ADARB2: variants seen among roughly 807,000 people sequenced by gnomAD.
ADARB2 encodes the protein adenosine deaminase RNA specific B2 (inactive).
ADARB2 carries 25 observed loss-of-function variants against 62.2 expected under a neutral mutation model. That is an observed-to-expected ratio of 0.40 (90% CI 0.29 to 0.56). The LOEUF (loss-of-function observed/expected upper bound fraction) is 0.56. ADARB2 is among the 20% of genes least tolerant of loss of function. The pLI, the probability that ADARB2 is intolerant of heterozygous loss-of-function variation, is 0.43. For missense variants in ADARB2, 1,071 were observed against 1,077.4 expected, an observed-to-expected ratio of 0.99 and a Z score of 0.08; for synonymous variants, 572 against 500.8, an observed-to-expected ratio of 1.14 and a Z score of -1.90.
intron 1 of ADARB2, among the ~76,000 whole-genome samples, chr10:1,502,429 T>C (rs1271853954): frequency 1.3e-5 from 2 of 152,244 alleles, no homozygotes; most frequent in African/African-American, 4.8e-5. Flanking sequence ...CAATAAAAGG[T>C]GCTTTTGCAA....
chr10:1,516,941 T>C (rs1832016023), intron 1 of ADARB2, among the ~76,000 whole-genome samples: 1 of 152,228 alleles, frequency 6.6e-6, no homozygotes, highest in Admixed American at 6.5e-5. Context: ...GGAGTCATTA[T>C]TCATCTGAAG....
At chr10:1,302,924 G>T (rs1036495357) in intron 3 of ADARB2, among the ~76,000 whole-genome samples, 197 of 152,174 alleles carry the variant, frequency 1.3e-3, no homozygotes, top group African/African-American at 4.6e-3. Flanking sequence ...CACAAAGATG[G>T]GGAAAAAACA....
intron 1 of ADARB2, among the ~76,000 whole-genome samples, chr10:1,525,629 C>T (rs927247160): frequency 2.0e-5 from 3 of 152,084 alleles, no homozygotes; most frequent in African/African-American, 4.8e-5. Context: ...GTTGTATGTG[C>T]GTCCTGAGAG....
chr10:1,242,986 C>A (rs944080310), intron 4 of ADARB2, among the ~76,000 whole-genome samples: 18 of 152,334 alleles, frequency 1.2e-4, no homozygotes, highest in South Asian at 4.1e-4. Flanking sequence ...CTGGAAGACA[C>A]AAGCCAATGT....
intron 7 of ADARB2, among the ~76,000 whole-genome samples, chr10:1,211,561 A>T (rs1837152301): frequency 6.6e-6 from 1 of 151,868 alleles, no homozygotes; most frequent in Admixed American, 6.6e-5. Flanking sequence ...CAGACAGTGG[A>T]CTCCCAGCAG....
chr10:1,433,226 G>A (rs1830795110), intron 1 of ADARB2, among the ~76,000 whole-genome samples: 1 of 152,138 alleles, frequency 6.6e-6, no homozygotes, highest in South Asian at 2.1e-4. Context: ...AGCATTCTCC[G>A]AATTGTGGCA....
At chr10:1,341,217 A>T (rs1355554244) in intron 3 of ADARB2, among the ~76,000 whole-genome samples, 1 of 151,462 alleles carries the variant, frequency 6.6e-6, no homozygotes, top group Admixed American at 6.6e-5. Context: ...CCAGAGAACC[A>T]CGTGCCCCAC....
chr10:1,416,764 C>T (rs1371400008), intron 1 of ADARB2, among the ~76,000 whole-genome samples: 1 of 152,266 alleles, frequency 6.6e-6, no homozygotes, highest in African/African-American at 2.4e-5. Context: ...CACTCAGTCT[C>T]CATGAGAGCC....
chr10:1,665,793 C>T (rs1268288592), intron 1 of ADARB2, among the ~76,000 whole-genome samples: 1 of 152,202 alleles, frequency 6.6e-6, no homozygotes, highest in East Asian at 1.9e-4. Flanking sequence ...GGCCTTGTGT[C>T]CCCCAGAGAA....
At chr10:1,452,621 G>T (rs181181877) in intron 1 of ADARB2, among the ~76,000 whole-genome samples, 52 of 149,874 alleles carry the variant, frequency 3.5e-4, no homozygotes, top group Non-Finnish European at 4.6e-4. Context: ...GGGGGTTGGG[G>T]GGGGGAATAT....
intron 1 of ADARB2, among the ~76,000 whole-genome samples, chr10:1,649,668 C>A (rs771675531): frequency 6.6e-6 from 1 of 152,214 alleles, no homozygotes; most frequent in African/African-American, 2.4e-5. Flanking sequence ...GTGCTCCAGT[C>A]GGTGGGATAT....
At chr10:1,400,583 C>A (rs1402808906) in intron 1 of ADARB2, among the ~76,000 whole-genome samples, 3 of 152,080 alleles carry the variant, frequency 2.0e-5, no homozygotes, top group African/African-American at 7.2e-5. Context: ...GAGTGTTTTC[C>A]CACCTGATGC....
chr10:1,337,014 T>C (rs1416909347), intron 3 of ADARB2, among the ~76,000 whole-genome samples: 3 of 151,934 alleles, frequency 2.0e-5, no homozygotes, highest in Non-Finnish European at 4.4e-5. Flanking sequence ...CTGGGTTATT[T>C]TATAACTAAT....
intron 1 of ADARB2, among the ~76,000 whole-genome samples, chr10:1,732,498 A>G (rs1835247081): frequency 6.6e-6 from 1 of 152,334 alleles, no homozygotes; most frequent in East Asian, 1.9e-4. Flanking sequence ...TACTGTTATT[A>G]CATGGGTCAC....
intron 1 of ADARB2, among the ~76,000 whole-genome samples, chr10:1,683,564 CT>C (rs1203213535): frequency 2.0e-5 from 3 of 152,136 alleles, no homozygotes; most frequent in Non-Finnish European, 2.9e-5. Flanking sequence ...CTCAGATCCG[CT>C]TGGGTCTTTG....
intron 1 of ADARB2, among the ~76,000 whole-genome samples, chr10:1,567,255 C>G (rs1025884340): frequency 5.3e-5 from 8 of 152,070 alleles, no homozygotes; most frequent in Admixed American, 5.2e-4. Flanking sequence ...TTTTGAAAAC[C>G]TGCCCGTCCA....
At chr10:1,210,780 C>T (rs979839931) in intron 7 of ADARB2, among the ~76,000 whole-genome samples, 29 of 152,216 alleles carry the variant, frequency 1.9e-4, no homozygotes, top group Non-Finnish European at 2.4e-4. Flanking sequence ...TGGCAGGAAG[C>T]CTGGCAGGTG....
At chr10:1,682,297 G>C (rs968152186) in intron 1 of ADARB2, among the ~76,000 whole-genome samples, 2 of 152,344 alleles carry the variant, frequency 1.3e-5, no homozygotes, top group Admixed American at 6.5e-5. Context: ...ACCAGTGTCT[G>C]TGCCCCTCCC....
chr10:1,250,875 G>A (rs578124059), intron 4 of ADARB2, among the ~76,000 whole-genome samples: 1 of 152,298 alleles, frequency 6.6e-6, no homozygotes, highest in East Asian at 1.9e-4. Context: ...AGGTCACTGT[G>A]GGGATGGGGT....
Sources: allele counts gnomAD v4.1 joint callset (sites outside exome capture counted in the v4.1 genomes callset), GRCh38; gene constraint gnomAD v4.1.1; transcripts MANE v1.5; gene names NCBI Gene and HGNC (gene_info 2026-07-23, HGNC 2026-07-21).